The following PPP2R5C variants were observed in gnomAD, a reference collection of about 807,000 sequenced individuals.
The protein encoded by PPP2R5C is protein phosphatase 2 regulatory subunit B'gamma, also known as serine/threonine-protein phosphatase 2A 56 kDa regulatory subunit gamma isoform.
A neutral mutation model predicts 68.9 loss-of-function variants in PPP2R5C; 7 were observed. That is an observed-to-expected ratio of 0.10 (90% CI 0.06 to 0.19). PPP2R5C has a LOEUF of 0.19. PPP2R5C is among the 10% of genes least tolerant of loss of function. PPP2R5C has a pLI of 1.00. For missense variants in PPP2R5C, 348 were observed against 641.3 expected (o/e 0.54, Z 4.94); for synonymous variants, 210 against 222.2 (o/e 0.95, Z 0.49).
intron 11 of PPP2R5C, among the ~76,000 whole-genome samples, chr14:101,911,830 G>A (rs1002530664): frequency 6.6e-6 from 1 of 151,522 alleles, no homozygotes; most frequent in Non-Finnish European, 1.5e-5. Flanking sequence ...GTTGCAGTGA[G>A]CCAAGATCCT....
At chr14:101,837,426 CG>C (rs1174981608) in intron 1 of PPP2R5C, among the ~76,000 whole-genome samples, 2 of 152,150 alleles carry the variant, frequency 1.3e-5, no homozygotes, top group East Asian at 3.8e-4. Flanking sequence ...GGATTACAGG[CG>C]TGAGCCACCG....
intron 1 of PPP2R5C, among the ~76,000 whole-genome samples, chr14:101,849,843 T>C (rs2042048692): frequency 6.6e-6 from 1 of 152,234 alleles, no homozygotes; most frequent in Admixed American, 6.5e-5. Context: ...GATTTATGCA[T>C]GAGCCTGTGT....
chr14:101,918,657 C>T (rs1181372404), intron 13 of PPP2R5C, among the ~76,000 whole-genome samples: 1 of 34,218 alleles, frequency 2.9e-5, no homozygotes, highest in Non-Finnish European at 5.4e-5. Flanking sequence ...CCTCGCCCCC[C>T]TCGCCCCCTC....
intron 3 of PPP2R5C, among the ~76,000 whole-genome samples, chr14:101,795,904 C>A (rs544605005): frequency 6.6e-6 from 1 of 152,270 alleles, no homozygotes; most frequent in Admixed American, 6.5e-5. Context: ...CTCACTGCAG[C>A]CTGGACCTCC....
chr14:101,848,225 G>A (rs1247686374), intron 1 of PPP2R5C, among the ~76,000 whole-genome samples: 1 of 152,102 alleles, frequency 6.6e-6, no homozygotes, highest in Non-Finnish European at 1.5e-5. Context: ...ACACTATGTA[G>A]AGGAACGTTA....
At chr14:101,817,526 T>A (rs1204969657) in intron 1 of PPP2R5C, among the ~76,000 whole-genome samples, 11 of 152,162 alleles carry the variant, frequency 7.2e-5, no homozygotes, top group Non-Finnish European at 5.9e-5. Flanking sequence ...CATAACCGTT[T>A]TTGATGTTTA....
At chr14:101,775,337 T>A (rs1195513908) in intron 2 of PPP2R5C, among the ~76,000 whole-genome samples, 1 of 152,220 alleles carries the variant, frequency 6.6e-6, no homozygotes, top group Non-Finnish European at 1.5e-5. Flanking sequence ...GGAGAGAGGC[T>A]TTGTCACAAA....
chr14:101,895,759 T>C (rs1291166409), intron 8 of PPP2R5C, among the ~76,000 whole-genome samples: 1 of 152,212 alleles, frequency 6.6e-6, no homozygotes. Context: ...CTATTGTGAA[T>C]AATGCTGCTA....
At chr14:101,857,354 T>C (rs1392846141) in intron 2 of PPP2R5C, among the ~76,000 whole-genome samples, 2 of 152,178 alleles carry the variant, frequency 1.3e-5, no homozygotes, top group East Asian at 3.9e-4. Flanking sequence ...GCTGATTGGC[T>C]GAGAAGGCCT....
At chr14:101,796,349 GT>G (rs1047389033) in intron 3 of PPP2R5C, among the ~76,000 whole-genome samples, 16 of 152,302 alleles carry the variant, frequency 1.1e-4, no homozygotes, top group Admixed American at 8.5e-4. Flanking sequence ...TCTCTTGCAT[GT>G]TTTGATTTTT....
chr14:101,913,191 T>C lies in PPP2R5C; in HGVS notation c.1326+718T>C, dbSNP rs1359329989. Among the ~76,000 whole-genome samples, 1 of 152,240 alleles carries C rather than the reference T, an allele frequency of 6.6e-6. No individual in the cohort carries two copies. On this transcript the variant is annotated intron_variant, in intron 12 of 13. Transcript: ENST00000334743. This position sits in a 1 kb window ranked among gnomAD's most constrained non-coding sequence, Gnocchi z 4.1. Reference sequence around the variant, plus strand: ...CTGTGTGCCTGATTATAACAGTGCCTCTTAAAAAGAAAATCTTTTTCAGAA... The same window carrying C: ...CTGTGTGCCTGATTATAACAGTGCCCCTTAAAAAGAAAATCTTTTTCAGAA...
intron 10 of PPP2R5C, among the ~76,000 whole-genome samples, chr14:101,907,783 G>A (rs548816633): frequency 5.3e-5 from 8 of 152,238 alleles, no homozygotes; most frequent in Non-Finnish European, 8.8e-5. Context: ...CCCTGCTGCC[G>A]GCGGACCAGC....
At chr14:101,823,645 TG>T in intron 1 of PPP2R5C, 1 of 545,132 alleles carries the variant, frequency 1.8e-6, no homozygotes, top group Non-Finnish European at 2.4e-6. Context: ...TTGACAGCGG[TG>T]GAAACTGAAG....
chr14:101,898,412 C>T (rs1017617911), intron 8 of PPP2R5C, among the ~76,000 whole-genome samples: 5 of 152,250 alleles, frequency 3.3e-5, no homozygotes, highest in African/African-American at 7.2e-5. Flanking sequence ...ACCGAGGGCT[C>T]GGTGAATGAG....
chr14:101,851,390 C>T (rs1221018410), intron 1 of PPP2R5C, among the ~76,000 whole-genome samples: 1 of 152,122 alleles, frequency 6.6e-6, no homozygotes, highest in African/African-American at 2.4e-5. Context: ...AGGATTATAC[C>T]ACTGTACTCC....
At chr14:101,873,768 T>C (rs538586711) in intron 2 of PPP2R5C, among the ~76,000 whole-genome samples, 81 of 152,334 alleles carry the variant, frequency 5.3e-4, no homozygotes, top group African/African-American at 1.9e-3. Flanking sequence ...TAATCCAGTT[T>C]GAATCCTGGG....
chr14:101,777,581 C>G (rs1192430508), intron 2 of PPP2R5C, among the ~76,000 whole-genome samples: 1 of 152,118 alleles, frequency 6.6e-6, no homozygotes, highest in Non-Finnish European at 1.5e-5. Context: ...AACTTCTGAC[C>G]TCAGGTGATC....
chr14:101,857,595 C>T (rs1385615421), intron 2 of PPP2R5C, among the ~76,000 whole-genome samples: 1 of 152,242 alleles, frequency 6.6e-6, no homozygotes, highest in East Asian at 1.9e-4. Context: ...AGATCTCAGT[C>T]CTCTGAAGTG....
intron 3 of PPP2R5C, among the ~76,000 whole-genome samples, chr14:101,798,225 C>T (rs140481048): frequency 6.2e-4 from 94 of 151,482 alleles, no homozygotes; most frequent in Non-Finnish European, 1.2e-3. Context: ...TCTCTAGGTT[C>T]AGAACACCAG....
Sources: gnomAD v4.1 joint callset for allele counts (sites outside exome capture counted in the v4.1 genomes callset) on GRCh38, gnomAD v4.1.1 for gene constraint, Gnocchi (gnomAD v3.1) non-coding constraint, MANE v1.5 for transcripts, NCBI Gene and HGNC (gene_info 2026-07-23, HGNC 2026-07-21) for gene names.